Variants in PARD3B observed in about 807,000 individuals in gnomAD.
The protein encoded by PARD3B is par-3 family cell polarity regulator beta, also known as partitioning defective 3 homolog B.
A neutral mutation model predicts 130.2 loss-of-function variants in PARD3B; 103 were observed. The ratio of observed to expected loss-of-function variants is 0.79; its 90% CI spans 0.67 to 0.93. The LOEUF is 0.93. Among genes scored for constraint, PARD3B ranks in the 40% least tolerant of loss-of-function variants. PARD3B has a pLI of 0.00. For synonymous variants in PARD3B, 583 were observed against 553.2 expected, an observed-to-expected ratio of 1.05 and a Z score of -0.76; for missense variants, 1,609 against 1,499.2, an observed-to-expected ratio of 1.07 and a Z score of -1.21.
intron 1 of PARD3B, among the ~76,000 whole-genome samples, chr2:204,578,751 G>C (rs1203717039): frequency 2.6e-5 from 4 of 152,134 alleles, no homozygotes; most frequent in African/African-American, 7.2e-5. Flanking sequence ...CCTTTGTCCT[G>C]ATACGTTGCT....
intron 4 of PARD3B, among the ~76,000 whole-genome samples, chr2:205,065,801 A>G (rs1311517004): frequency 2.7e-5 from 2 of 73,804 alleles, no homozygotes; most frequent in East Asian, 8.2e-4. Flanking sequence ...GATGCAGCAC[A>G]GAAGCCCTTG....
rs139070926 is a variant in PARD3B, at chr2:204,928,600, C to G, written c.223-36552C>G. ...CAGGGCAATAAAGAAAACATTGCTC[C>G]TGGATAGGACAGTCATCAAAGACGT... On this transcript the variant is annotated intron_variant, in intron 2 of 22. Coordinates refer to ENST00000406610, the MANE Select transcript of PARD3B (RefSeq NM_001302769.2). Among the ~76,000 whole-genome samples the G allele has an allele frequency of 7.9e-5, 12 of 152,120 alleles. No homozygotes were observed. The East Asian group carries it at 2.3e-3, about 29-fold the overall frequency.
intron 1 of PARD3B, among the ~76,000 whole-genome samples, chr2:204,596,548 T>C (rs1278034419): frequency 2.0e-5 from 3 of 152,168 alleles, no homozygotes; most frequent in Non-Finnish European, 4.4e-5. Context: ...GTTTACCTTG[T>C]AGAAAAGTAT....
intron 2 of PARD3B, among the ~76,000 whole-genome samples, chr2:204,737,556 T>A (rs2039812420): frequency 6.6e-6 from 1 of 152,216 alleles, no homozygotes. Flanking sequence ...TTATTGTTTC[T>A]TTTGCTGTGT....
At chr2:205,497,427 ATTT>A (rs3077795) in intron 20 of PARD3B, among the ~76,000 whole-genome samples, 107 of 123,680 alleles carry the variant, frequency 8.7e-4, no homozygotes, top group African/African-American at 2.5e-3. Flanking sequence ...TTTACTCACC[ATTT>A]TTTTTTTTTT....
chr2:205,046,635 A>T (rs1698805938), intron 3 of PARD3B, among the ~76,000 whole-genome samples: 1 of 152,190 alleles, frequency 6.6e-6, no homozygotes, highest in African/African-American at 2.4e-5. Flanking sequence ...TGTTCCTTTA[A>T]GCTGGAATCG....
At chr2:204,690,931 C>T (rs553853910) in intron 2 of PARD3B, among the ~76,000 whole-genome samples, 4 of 152,142 alleles carry the variant, frequency 2.6e-5, no homozygotes, top group Non-Finnish European at 5.9e-5. Context: ...AAATGATCCT[C>T]AGTTTATTGG....
At position 204,669,804 on chromosome 2, in the gene PARD3B, G is replaced by T. The variant is rs1030484845; in HGVS notation, c.121-16377G>T. Among the ~76,000 whole-genome samples, 6 of 152,124 alleles carry T rather than the reference G, an allele frequency of 3.9e-5. No individual in the cohort carries two copies. Among genetic ancestry groups the T allele is most frequent in the African/African-American group, 1.4e-4 (6 of 41,438 alleles). ...GTGGAAGGTGAGGAAAAGAGTAAGG[G>T]CTGCCAAGTCCTCTTTTACTCCGAG... On this transcript the variant is annotated intron_variant, in intron 1 of 22. Transcript: ENST00000406610. This position sits in a 1 kb window ranked among gnomAD's most constrained non-coding sequence, Gnocchi z 4.3.
intron 2 of PARD3B, among the ~76,000 whole-genome samples, chr2:204,797,105 G>A (rs546471574): frequency 1.3e-5 from 2 of 150,342 alleles, no homozygotes; most frequent in East Asian, 2.0e-4. Flanking sequence ...AACCGAGGAG[G>A]TGGAGGTTAT....
intron 1 of PARD3B, among the ~76,000 whole-genome samples, chr2:204,654,766 A>G (rs565231892): frequency 6.6e-6 from 1 of 152,178 alleles, no homozygotes; most frequent in Non-Finnish European, 1.5e-5. Flanking sequence ...TTGAAGCATA[A>G]TACTCACTTG....
intron 12 of PARD3B, among the ~76,000 whole-genome samples, 189 bp downstream of exon 12, chr2:205,172,570 C>T (rs1315444499): frequency 6.6e-6 from 1 of 152,160 alleles, no homozygotes; most frequent in East Asian, 1.9e-4. Flanking sequence ...TAAAGTAAGT[C>T]ATTTATCAGA....
intron 1 of PARD3B, among the ~76,000 whole-genome samples, chr2:204,590,949 T>C (rs1354937149): frequency 1.3e-5 from 2 of 152,214 alleles, no homozygotes; most frequent in African/African-American, 4.8e-5. Flanking sequence ...AGACTTTTTC[T>C]GTATTGTAAT....
At chr2:204,726,242 A>G (rs1490718880) in intron 2 of PARD3B, among the ~76,000 whole-genome samples, 1 of 152,172 alleles carries the variant, frequency 6.6e-6, no homozygotes, top group African/African-American at 2.4e-5. Flanking sequence ...TGCAATTTTA[A>G]TGAGAATTTG....
chr2:205,109,249 C>A (rs556621945), intron 5 of PARD3B, among the ~76,000 whole-genome samples: 3 of 152,314 alleles, frequency 2.0e-5, no homozygotes, highest in African/African-American at 7.2e-5. Context: ...TCCACAGATT[C>A]TTCCTGGAGG....
At chr2:205,380,783 ATATACAT>A (rs1250946589) in intron 18 of PARD3B, among the ~76,000 whole-genome samples, 6 of 104,386 alleles carry the variant, frequency 5.7e-5, no homozygotes, top group African/African-American at 2.0e-4. Context: ...TATATAAAGA[ATATACAT>A]TATATATAAT....
chr2:205,331,643 C>T (rs1574721920), intron 18 of PARD3B, among the ~76,000 whole-genome samples: 2 of 151,398 alleles, frequency 1.3e-5, no homozygotes, highest in Non-Finnish European at 1.5e-5. Flanking sequence ...ATTAGCTGGA[C>T]GTAGTGGTGG....
chr2:205,507,845 G>A, intron 21 of PARD3B, among the ~76,000 whole-genome samples: 1 of 152,158 alleles, frequency 6.6e-6, no homozygotes, highest in East Asian at 1.9e-4. Flanking sequence ...GCCATTATTT[G>A]TTATGTAAAA....
chr2:205,152,851 A>G (rs1335172524), intron 10 of PARD3B, among the ~76,000 whole-genome samples: 1 of 151,786 alleles, frequency 6.6e-6, no homozygotes, highest in Non-Finnish European at 1.5e-5. Context: ...GGTTTTTAGA[A>G]TTTTCAGCTT....
chr2:205,343,739 T>A (rs2043634362), intron 18 of PARD3B, among the ~76,000 whole-genome samples: 1 of 152,110 alleles, frequency 6.6e-6, no homozygotes, highest in South Asian at 2.1e-4. Context: ...TCCTGACGTA[T>A]GTTTTCTTTT....
Sources: allele counts gnomAD v4.1 joint callset (sites outside exome capture counted in the v4.1 genomes callset), GRCh38; gene constraint gnomAD v4.1.1; non-coding constraint Gnocchi (gnomAD v3.1); transcripts MANE v1.5; gene names NCBI Gene and HGNC (gene_info 2026-07-23, HGNC 2026-07-21).